The following CRTAM variants were observed in gnomAD, a reference collection of about 807,000 sequenced individuals.
The protein encoded by CRTAM is cytotoxic and regulatory T-cell molecule.
A neutral mutation model predicts 50.0 loss-of-function variants in CRTAM; 44 were observed. The ratio of observed to expected loss-of-function variants is 0.88; its 90% CI spans 0.69 to 1.13. CRTAM has a LOEUF of 1.13. Among genes scored for constraint, CRTAM ranks in the 50% most tolerant of loss-of-function variants. The pLI, the probability that CRTAM is intolerant of heterozygous loss-of-function variation, is 0.00. For missense variants in CRTAM, 448 were observed against 457.5 expected (o/e 0.98, Z 0.19); for synonymous variants, 159 against 169.3 (o/e 0.94, Z 0.47).
At chr11:122,840,283 G>T (rs1370884546) in intron 1 of CRTAM, among the ~76,000 whole-genome samples, 4 of 152,088 alleles carry the variant, frequency 2.6e-5, no homozygotes, top group Non-Finnish European at 5.9e-5. Flanking sequence ...ACTGAGGTAG[G>T]TACTAATATC....
chr11:122,871,244 C>A, intron 9 of CRTAM, 25 bp from the exon 10 acceptor site: 1 of 1,588,176 alleles, frequency 6.3e-7, no homozygotes, highest in Non-Finnish European at 8.6e-7. Flanking sequence ...AATAAATATT[C>A]ATCTTCAACA....
At chr11:122,870,893 A>G (rs1045731345) in intron 9 of CRTAM, among the ~76,000 whole-genome samples, 8 of 152,118 alleles carry the variant, frequency 5.3e-5, no homozygotes, top group African/African-American at 1.2e-4. Flanking sequence ...AGCCTAGGCA[A>G]TATAGTGAAA....
At chr11:122,849,982 T>C (rs1861909220) in intron 1 of CRTAM, 86 bp from the exon 2 acceptor site, 2 of 1,336,696 alleles carry the variant, frequency 1.5e-6, no homozygotes, top group East Asian at 2.4e-5. Flanking sequence ...AAATAGATAA[T>C]ACATGATTGA....
chr11:122,843,368 C>T lies in CRTAM; in HGVS notation c.46+4776C>T, dbSNP rs866693188. On this transcript the variant is annotated intron_variant, in intron 1 of 9. Coordinates refer to ENST00000227348, the MANE Select transcript of CRTAM (RefSeq NM_019604.4). ...ATGCATGGATGGATGAATTCAGTCA[C>T]GGAGATAATGACAAAGCCCAGAAGT... 1.4e-4 allele frequency among the ~76,000 whole-genome samples: 22 copies of T among 152,250 alleles called. 1 individual carries two copies. The South Asian group carries it at 4.4e-3, about 30-fold the overall frequency.
chr11:122,852,272 A>G (rs1369367472), intron 3 of CRTAM, among the ~76,000 whole-genome samples: 1 of 152,152 alleles, frequency 6.6e-6, no homozygotes, highest in Admixed American at 6.5e-5. Flanking sequence ...AGATAGAATG[A>G]ATTCAGATGT....
chr11:122,847,181 C>A (rs996658248), intron 1 of CRTAM, among the ~76,000 whole-genome samples: 2 of 152,174 alleles, frequency 1.3e-5, no homozygotes, highest in Admixed American at 6.5e-5. Flanking sequence ...AATTCACACA[C>A]TTAAATTGCC....
intron 5 of CRTAM, among the ~76,000 whole-genome samples, chr11:122,861,371 C>T (rs1409105165): frequency 1.6e-5 from 2 of 128,956 alleles, no homozygotes; most frequent in Non-Finnish European, 3.2e-5. Context: ...TACACACACA[C>T]ACACATACAT....
At chr11:122,870,644 C>T (rs1177741370) in intron 9 of CRTAM, among the ~76,000 whole-genome samples, 3 of 152,140 alleles carry the variant, frequency 2.0e-5, no homozygotes, top group Non-Finnish European at 4.4e-5. Flanking sequence ...CCTATTTTTG[C>T]AGTAAGCCCT....
At chr11:122,855,561 C>G (rs1591352705) in intron 4 of CRTAM, 134 bp from the exon 5 acceptor site, 2 of 681,334 alleles carry the variant, frequency 2.9e-6, no homozygotes, top group African/African-American at 1.8e-5. Context: ...CAAGCCTATA[C>G]AAGGGAACTG....
intron 3 of CRTAM, among the ~76,000 whole-genome samples, chr11:122,853,287 G>A (rs574330965): frequency 4.4e-4 from 67 of 151,860 alleles, no homozygotes; most frequent in African/African-American, 1.6e-3. Flanking sequence ...GGCCAGGATG[G>A]TCTCGATCTC....
In CRTAM at chr11:122,871,568, G is replaced by A; in HGVS notation, c.*169G>A. ...CCCCGGAGCTAGGGCAGCAACATGA[G>A]GACCAAACCATGCACATAAAGCTTG... On this transcript the variant is annotated 3_prime_UTR_variant, in exon 10 of 10. Transcript: ENST00000227348. The A allele has an allele frequency of 4.1e-6, 2 of 482,778 alleles. No homozygotes were observed. The highest frequency in any genetic ancestry group is 9.2e-5 in the South Asian group (2 of 21,688). 29.9% of individuals were successfully genotyped at this position (482,778 alleles called of 1,614,324 possible). A position where few individuals can be genotyped will look rare whatever the true frequency, so the allele number is the denominator to read the frequency against.
intron 1 of CRTAM, 139 bp from the exon 2 acceptor site, chr11:122,849,929 C>G: frequency 1.4e-6 from 1 of 715,992 alleles, no homozygotes; most frequent in Non-Finnish European, 2.1e-6. Context: ...TGCCTCTCCC[C>G]TCCCATTTTG....
At chr11:122,854,241 C>A (rs1230161177) in intron 4 of CRTAM, among the ~76,000 whole-genome samples, 155 bp downstream of exon 4, 1 of 152,178 alleles carries the variant, frequency 6.6e-6, no homozygotes. Flanking sequence ...TACAACCAAT[C>A]AATTTTATGC....
intron 6 of CRTAM, among the ~76,000 whole-genome samples, chr11:122,863,612 G>A (rs1321780346): frequency 6.6e-6 from 1 of 152,066 alleles, no homozygotes; most frequent in Non-Finnish European, 1.5e-5. Flanking sequence ...TCTAAACACT[G>A]ATAAATACAA....
At position 122,867,436 on chromosome 11, in the gene CRTAM, C is replaced by A; in HGVS notation, c.845C>A (p.Ala282Glu). The change falls in exon 8 of 10, where the codon GCA becomes GAA. Residue 282 changes from alanine to glutamate, a missense_variant. Coordinates refer to ENST00000227348, the MANE Select transcript of CRTAM (RefSeq NM_019604.4). Reference sequence around the variant, plus strand: ...GCAAATCCTCAGTATTTAGGACTGGCAAGAAAGAAAAGTGGCATCCTGCTG... The same window carrying A: ...GCAAATCCTCAGTATTTAGGACTGGAAAGAAAGAAAAGTGGCATCCTGCTG... The part of the protein sequence containing the change: ...TEANPQYLGL[A>E]RKKSGILLLT... 1 of 1,613,628 alleles carries A rather than the reference C, an allele frequency of 6.2e-7. No homozygotes were observed. The highest frequency in any genetic ancestry group is 2.2e-5 in the East Asian group (1 of 44,840).
intron 5 of CRTAM, among the ~76,000 whole-genome samples, chr11:122,860,313 G>A (rs904324545): frequency 6.6e-6 from 1 of 152,110 alleles, no homozygotes; most frequent in African/African-American, 2.4e-5. Flanking sequence ...ACCTTCCAAA[G>A]TGCTAGGATT....
intron 6 of CRTAM, 66 bp downstream of exon 6, chr11:122,862,610 T>C: frequency 9.7e-7 from 1 of 1,027,372 alleles, no homozygotes; most frequent in Non-Finnish European, 1.5e-6. Context: ...GTTATTTTTC[T>C]CATTCTAAGT....
rs1862167738 is a variant in CRTAM at position 122,865,966 on chromosome 11, T to C, written c.817+1247T>C. Among the ~76,000 whole-genome samples, 3 of 152,230 alleles carry C rather than the reference T, an allele frequency of 2.0e-5. No homozygotes were observed. In the South Asian group the frequency reaches 6.2e-4, roughly 31 times the overall value. ...CCCAATCCAGGCTCTCATCATCTCCTGCATGGAGTATTATAACTTCAGTTT... is the reference window on the plus strand; with the variant it reads ...CCCAATCCAGGCTCTCATCATCTCCCGCATGGAGTATTATAACTTCAGTTT... On this transcript the variant is annotated intron_variant, in intron 7 of 9. Transcript: ENST00000227348.
chr11:122,839,212 G>C, intron 1 of CRTAM, among the ~76,000 whole-genome samples: 1 of 152,242 alleles, frequency 6.6e-6, no homozygotes, highest in South Asian at 2.1e-4. Flanking sequence ...GATTACAGGC[G>C]TAAGCCACCG....
Sources: gnomAD v4.1 joint callset for allele counts (sites outside exome capture counted in the v4.1 genomes callset) on GRCh38, gnomAD v4.1.1 for gene constraint, MANE v1.5 for transcripts, NCBI Gene and HGNC (gene_info 2026-07-23, HGNC 2026-07-21) for gene names.